ACO1: variants seen among roughly 807,000 people sequenced by gnomAD.
The protein encoded by ACO1 is aconitase 1.
ACO1 carries 78 observed loss-of-function variants against 105.1 expected under a neutral mutation model. That is an observed-to-expected ratio of 0.74 (90% CI 0.62 to 0.90). The LOEUF is 0.90. Ranked by LOEUF, ACO1 falls within the 40% of genes least tolerant of loss-of-function variation. The pLI is 0.00. For synonymous variants in ACO1, 364 were observed against 397.4 expected (o/e 0.92, Z 1.00); for missense variants, 965 against 1,111.1 (o/e 0.87, Z 1.87).
At chr9:32,417,619 A>G (rs559388350) in intron 4 of ACO1, among the ~76,000 whole-genome samples, 1 of 152,226 alleles carries the variant, frequency 6.6e-6, no homozygotes, top group East Asian at 1.9e-4. Flanking sequence ...TTCCTCATAA[A>G]CCTTGGTCCT....
At chr9:32,425,271 C>T (rs567240551) in intron 10 of ACO1, among the ~76,000 whole-genome samples, 12 of 152,246 alleles carry the variant, frequency 7.9e-5, no homozygotes, top group Admixed American at 2.0e-4. Flanking sequence ...ATCTTACATG[C>T]GGTAGATTTT....
chr9:32,398,601 T>G (rs1428894295), intron 1 of ACO1, among the ~76,000 whole-genome samples: 3 of 151,910 alleles, frequency 2.0e-5, no homozygotes, highest in Non-Finnish European at 4.4e-5. Flanking sequence ...GTTTGTTTTG[T>G]TTTGTTTTTT....
At chr9:32,448,438 A>G (rs10970982) in intron 19 of ACO1, among the ~76,000 whole-genome samples, 10,686 of 152,300 alleles carry the variant, frequency 0.07, 520 homozygotes, top group Admixed American at 0.11. Context: ...ATTTCAAGCC[A>G]GTGGATCTTA....
In ACO1 at chr9:32,452,331, T is replaced by TG. The variant is rs965983305; in HGVS notation, c.*2220_*2221insG. 2.6e-5 allele frequency: 4 copies of TG among 152,210 alleles called. No individual in the cohort carries two copies. Among genetic ancestry groups the TG allele is most frequent in the African/African-American group, 9.7e-5 (4 of 41,442 alleles). The allele number at this position is 152,210 out of a possible 1,614,324, so 9.4% of individuals were successfully genotyped here. A position where few individuals can be genotyped will look rare whatever the true frequency, so the allele number is the denominator to read the frequency against. ...GGTAATGGTAATAGAAGCTGGGGCCTTTGGAAGGTGATTAGATCATGAGGG... is the reference window on the plus strand; with the variant it reads ...GGTAATGGTAATAGAAGCTGGGGCCTGTTGGAAGGTGATTAGATCATGAGGG... On this transcript the variant is annotated 3_prime_UTR_variant, in exon 21 of 21. Transcript: ENST00000309951.
intron 4 of ACO1, among the ~76,000 whole-genome samples, chr9:32,415,119 C>A (rs1330675769): frequency 6.6e-6 from 1 of 152,128 alleles, no homozygotes; most frequent in African/African-American, 2.4e-5. Flanking sequence ...GAAGAGCATG[C>A]TGGCTACAGT....
intron 4 of ACO1, among the ~76,000 whole-genome samples, chr9:32,417,456 A>G (rs1438902220): frequency 6.6e-6 from 1 of 152,184 alleles, no homozygotes; most frequent in Non-Finnish European, 1.5e-5. Flanking sequence ...TCTTGTGACT[A>G]TGACTTATTC....
intron 15 of ACO1, among the ~76,000 whole-genome samples, chr9:32,433,167 A>C (rs1185921955): frequency 6.6e-6 from 1 of 152,088 alleles, no homozygotes; most frequent in East Asian, 1.9e-4. Context: ...TCAACTAAGG[A>C]TGTGAATCCC....
intron 19 of ACO1, among the ~76,000 whole-genome samples, chr9:32,443,419 A>G (rs2118565227): frequency 6.6e-6 from 1 of 152,354 alleles, no homozygotes; most frequent in Admixed American, 6.5e-5. Flanking sequence ...ATAAAAGTCC[A>G]CAAAACCAAG....
At chr9:32,436,582 C>A (rs1192043772) in intron 18 of ACO1, among the ~76,000 whole-genome samples, 185 bp downstream of exon 18, 1 of 152,194 alleles carries the variant, frequency 6.6e-6, no homozygotes, top group African/African-American at 2.4e-5. Context: ...CAAACCTTTT[C>A]TTCTTGCTTA....
intron 1 of ACO1, among the ~76,000 whole-genome samples, chr9:32,402,007 G>C (rs1821506295): frequency 6.6e-6 from 1 of 152,194 alleles, no homozygotes; most frequent in African/African-American, 2.4e-5. Context: ...AAGGGTTTCA[G>C]ATACAGTAGC....
chr9:32,393,556 T>C (rs1264958149), intron 1 of ACO1, among the ~76,000 whole-genome samples: 1 of 152,178 alleles, frequency 6.6e-6, no homozygotes, highest in East Asian at 1.9e-4. Flanking sequence ...CCTTGTGATA[T>C]CTTACTACCT....
chr9:32,449,107 G>A, intron 20 of ACO1, 26 bp downstream of exon 20: 1 of 1,562,750 alleles, frequency 6.4e-7, no homozygotes, highest in Non-Finnish European at 8.6e-7. Context: ...TCTATGCCAG[G>A]CCCTGTCGAA....
intron 10 of ACO1, 77 bp from the exon 11 acceptor site, chr9:32,425,761 G>A: frequency 9.6e-7 from 1 of 1,042,790 alleles, no homozygotes; most frequent in Non-Finnish European, 1.4e-6. Context: ...CTATATGTAT[G>A]TATTTTCCTC....
chr9:32,444,976 T>C (rs113359956), intron 19 of ACO1, among the ~76,000 whole-genome samples: 2,522 of 152,280 alleles, frequency 0.017, 64 homozygotes, highest in African/African-American at 0.058. Flanking sequence ...CACTTGATCA[T>C]GGTAGATAAG....
chr9:32,450,496 C>T lies in ACO1; in HGVS notation c.*385C>T, dbSNP rs1064254. 26 of 310,198 alleles carry T rather than the reference C, an allele frequency of 8.4e-5. No individual in the cohort carries two copies. Among genetic ancestry groups the T allele is most frequent in the Non-Finnish European group, 1.2e-4 (19 of 159,252 alleles). The allele number at this position is 310,198 out of a possible 1,614,324, so 19.2% of individuals were successfully genotyped here. ...TCCTACCCTCTTATTGTTCCTCTTA[C>T]GCTCTGCTCAATGAAACCTTCCTCT... On this transcript the variant is annotated 3_prime_UTR_variant, in exon 21 of 21. Transcript: ENST00000309951.
chr9:32,444,567 A>C lies in ACO1; in HGVS notation c.2370+3980A>C, dbSNP rs567627026. 2.6e-3 allele frequency among the ~76,000 whole-genome samples: 402 copies of C among 152,240 alleles called. 16 individuals are homozygous for C. In the East Asian group the frequency reaches 0.064, roughly 24 times the overall value. ...TTGTGGTTTTGATTTGCATTTCTCTAATGACCAGTGAGGATGAGCATTTTT... is the reference window on the plus strand; with the variant it reads ...TTGTGGTTTTGATTTGCATTTCTCTCATGACCAGTGAGGATGAGCATTTTT... On this transcript the variant is annotated intron_variant, in intron 19 of 20. Transcript: ENST00000309951.
Position 32,450,861 on chromosome 9 carries a change from G to A in ACO1, c.*750G>A, listed in dbSNP as rs1822751589. On this transcript the variant is annotated 3_prime_UTR_variant, in exon 21 of 21. Coordinates refer to ENST00000309951, the MANE Select transcript of ACO1 (RefSeq NM_002197.3). ...ACTTGTTGACTTTGAGTTTTGCTGT[G>A]TTTGTGGCTAGAGTTTTGGGATATT... is the stretch of plus-strand genomic sequence containing the variant. 1 of 149,638 alleles carries A rather than the reference G, an allele frequency of 6.7e-6. No individual in the cohort carries two copies. Among genetic ancestry groups the A allele is most frequent in the Admixed American group, 6.6e-5 (1 of 15,092 alleles). The allele number at this position is 149,638 out of a possible 1,614,324, so 9.3% of individuals were successfully genotyped here. A position where few individuals can be genotyped will look rare whatever the true frequency, so the allele number is the denominator to read the frequency against.
In ACO1 at chr9:32,423,353, AT is replaced by A. The variant is rs1415174698; in HGVS notation, c.1006del (p.Tyr336IlefsTer5). On this transcript the variant is annotated frameshift_variant, in exon 9 of 21. Transcript: ENST00000309951. LOFTEE classifies it high-confidence loss of function. The stretch of plus-strand genomic sequence containing the variant: ...AAGAAAAATTAAAGTATATTAAAAA[AT>A]ATCTTCAGGCTGTAGGAATGTTTCG... ...DEEKLKYIKK[Y>X]LQAVGMFRDF... 1 of 1,597,168 alleles carries A rather than the reference AT, an allele frequency of 6.3e-7. No individual in the cohort carries two copies. Among genetic ancestry groups the A allele is most frequent in the Admixed American group, 1.8e-5 (1 of 55,560 alleles).
At chr9:32,404,864 A>G (rs982063726) in intron 1 of ACO1, among the ~76,000 whole-genome samples, 3 of 152,206 alleles carry the variant, frequency 2.0e-5, no homozygotes, top group Admixed American at 6.5e-5. Flanking sequence ...AACAGGTTCA[A>G]TGGGTGGGGA....
Sources: gnomAD v4.1 joint callset for allele counts (sites outside exome capture counted in the v4.1 genomes callset) on GRCh38, gnomAD v4.1.1 for gene constraint, MANE v1.5 for transcripts, NCBI Gene and HGNC (gene_info 2026-07-23, HGNC 2026-07-21) for gene names.